The following PREX2 variants were observed in gnomAD, a reference collection of about 807,000 sequenced individuals.
PREX2 encodes phosphatidylinositol-3,4,5-trisphosphate dependent Rac exchange factor 2.
PREX2 carries 107 observed loss-of-function variants against 203.2 expected under a neutral mutation model. The ratio of observed to expected loss-of-function variants is 0.53; its 90% CI spans 0.45 to 0.62. PREX2 has a LOEUF of 0.62. Among genes scored for constraint, PREX2 ranks in the 20% least tolerant of loss-of-function variants. The pLI, the probability that PREX2 is intolerant of heterozygous loss-of-function variation, is 0.00. For missense variants in PREX2, 1,777 were observed against 1,955.9 expected, an observed-to-expected ratio of 0.91 and a Z score of 1.72; for synonymous variants, 672 against 663.6, an observed-to-expected ratio of 1.01 and a Z score of -0.19.
intron 7 of PREX2, among the ~76,000 whole-genome samples, chr8:68,042,347 G>C (rs1808223680): frequency 6.6e-6 from 1 of 151,922 alleles, no homozygotes; most frequent in Non-Finnish European, 1.5e-5. Flanking sequence ...TGTAGTATTT[G>C]ATACGTATAA....
At position 68,052,432 on chromosome 8, in the gene PREX2, G is replaced by C. The variant is rs192478730; in HGVS notation, c.944-665G>C. On this transcript the variant is annotated intron_variant, in intron 8 of 39. Coordinates refer to ENST00000288368, the MANE Select transcript of PREX2 (RefSeq NM_024870.4). Reference sequence around the variant, plus strand: ...ACAGTTTACCTAAAATTATAGTGAGGTATCAAAAAAGACAATTAAATGTCA... The same window carrying C: ...ACAGTTTACCTAAAATTATAGTGAGCTATCAAAAAAGACAATTAAATGTCA... Among the ~76,000 whole-genome samples, 19 of 152,190 alleles carry C rather than the reference G, an allele frequency of 1.2e-4. No homozygotes were observed. In the East Asian group the frequency reaches 3.3e-3, roughly 26 times the overall value.
At chr8:68,202,234 C>G (rs1472014656) in intron 37 of PREX2, among the ~76,000 whole-genome samples, 1 of 152,070 alleles carries the variant, frequency 6.6e-6, no homozygotes, top group Admixed American at 6.6e-5. Context: ...AACCAGCCCT[C>G]ACCAGGCAAT....
chr8:68,047,484 TATATATATATATATATATATATACAC>T (rs1184632705), intron 8 of PREX2, among the ~76,000 whole-genome samples: 1 of 103,796 alleles, frequency 9.6e-6, no homozygotes, highest in African/African-American at 6.6e-5. Flanking sequence ...TATATATATA[TATATATATATATATATATATATACAC>T]ATACATATAT....
In PREX2 at chr8:68,090,655, G is replaced by C; in HGVS notation, c.2190G>C (p.Glu730Asp). 1 of 1,614,048 alleles carries C rather than the reference G, an allele frequency of 6.2e-7. No individual in the cohort carries two copies. Reference protein sequence around the residue: ...IKVNGINVSKETHASVIAHVT... With the variant: ...IKVNGINVSKDTHASVIAHVT... The stretch of plus-strand genomic sequence containing the variant: ...TGAATGGAATCAATGTCAGCAAAGA[G>C]ACACATGCCAGTGTCATTGCACACG... Residue 730 changes from glutamate (E) to aspartate (D), a missense_variant, in exon 20 of 40, where the codon GAG becomes GAC. Glu to Asp is a conservative substitution (Grantham distance 45). Transcript: ENST00000288368.
intron 31 of PREX2, among the ~76,000 whole-genome samples, chr8:68,130,975 A>C (rs1001731999): frequency 6.6e-6 from 1 of 152,248 alleles, no homozygotes; most frequent in African/African-American, 2.4e-5. Context: ...GCAGAGGAGA[A>C]GGACAAGGGC....
intron 33 of PREX2, among the ~76,000 whole-genome samples, chr8:68,140,213 T>C (rs73685226): frequency 0.018 from 2,722 of 152,270 alleles, 68 homozygotes; most frequent in African/African-American, 0.063. Context: ...GCAATAATAG[T>C]ATGTAAATGT....
intron 4 of PREX2, among the ~76,000 whole-genome samples, chr8:68,022,855 G>C (rs1450886935): frequency 6.6e-6 from 1 of 152,088 alleles, no homozygotes; most frequent in Non-Finnish European, 1.5e-5. Flanking sequence ...TGCCTTTTCT[G>C]GATATTTTAT....
intron 37 of PREX2, among the ~76,000 whole-genome samples, chr8:68,201,516 A>G (rs1158636368): frequency 6.6e-6 from 1 of 152,214 alleles, no homozygotes; most frequent in Non-Finnish European, 1.5e-5. Context: ...AGCATCCAGC[A>G]TGAGAGAAAG....
chr8:68,017,773 T>C (rs1807447901), intron 1 of PREX2, 73 bp from the exon 2 acceptor site: 1 of 1,274,416 alleles, frequency 7.8e-7, no homozygotes, highest in East Asian at 2.5e-5. Context: ...AAGAAATTAG[T>C]TTAATTCTAC....
intron 1 of PREX2, among the ~76,000 whole-genome samples, chr8:67,956,884 T>C (rs944396732): frequency 6.6e-6 from 1 of 152,254 alleles, no homozygotes; most frequent in Non-Finnish European, 1.5e-5. Flanking sequence ...TGATCTTGGA[T>C]ACCTTGGTAT....
At chr8:68,229,176 T>C (rs1585878498) in intron 39 of PREX2, among the ~76,000 whole-genome samples, 1 of 144,910 alleles carries the variant, frequency 6.9e-6, no homozygotes, top group Non-Finnish European at 1.5e-5. Flanking sequence ...ATCTATAGCA[T>C]GAAGTTGGAA....
chr8:68,175,294 G>A (rs1811956464), intron 35 of PREX2, among the ~76,000 whole-genome samples: 1 of 152,136 alleles, frequency 6.6e-6, no homozygotes, highest in Admixed American at 6.6e-5. Context: ...TTGGGGGATT[G>A]AGGGGCAGGA....
At chr8:68,220,611 A>G (rs1812934517) in intron 38 of PREX2, among the ~76,000 whole-genome samples, 1 of 152,136 alleles carries the variant, frequency 6.6e-6, no homozygotes, top group Non-Finnish European at 1.5e-5. Context: ...CCACGGGCAC[A>G]AGCAAGCAAG....
At chr8:68,147,758 A>C (rs1044030079) in intron 34 of PREX2, among the ~76,000 whole-genome samples, 1 of 152,242 alleles carries the variant, frequency 6.6e-6, no homozygotes, top group African/African-American at 2.4e-5. Flanking sequence ...AATACATTTT[A>C]ACAGATGAAG....
chr8:68,011,868 A>C (rs1407427955), intron 1 of PREX2, among the ~76,000 whole-genome samples: 3 of 152,190 alleles, frequency 2.0e-5, no homozygotes. Flanking sequence ...TGCAACAAAA[A>C]AATTAAACAT....
chr8:68,131,348 C>T (rs530224942), intron 31 of PREX2, among the ~76,000 whole-genome samples: 6 of 152,212 alleles, frequency 3.9e-5, no homozygotes, highest in African/African-American at 7.2e-5. Context: ...TGAATCTGTG[C>T]GAACAATTCA....
At chr8:68,199,457 G>A (rs915218270) in intron 37 of PREX2, among the ~76,000 whole-genome samples, 4 of 152,118 alleles carry the variant, frequency 2.6e-5, no homozygotes, top group African/African-American at 9.7e-5. Context: ...GAATTACCAA[G>A]GCTCTACCGA....
chr8:68,023,416 C>A (rs1807624921), intron 4 of PREX2, among the ~76,000 whole-genome samples: 1 of 152,142 alleles, frequency 6.6e-6, no homozygotes, highest in Admixed American at 6.6e-5. Flanking sequence ...ATTAACTCTT[C>A]ATGTCTCCTT....
chr8:68,219,531 G>A (rs375317884), intron 38 of PREX2, among the ~76,000 whole-genome samples: 4 of 152,052 alleles, frequency 2.6e-5, no homozygotes, highest in Non-Finnish European at 4.4e-5. Context: ...TTCTTCCCCC[G>A]AATTTTTTTA....
Sources: gnomAD v4.1 joint callset for allele counts (sites outside exome capture counted in the v4.1 genomes callset) on GRCh38, gnomAD v4.1.1 for gene constraint, MANE v1.5 for transcripts, NCBI Gene and HGNC (gene_info 2026-07-23, HGNC 2026-07-21) for gene names.